The following NAPRT variants were observed in gnomAD, a reference collection of about 807,000 sequenced individuals.
NAPRT encodes the protein FHA-HIT-interacting protein.
A neutral mutation model predicts 60.7 loss-of-function variants in NAPRT; 66 were observed. The observed-to-expected ratio is 1.09, with a 90% CI of 0.89 to 1.33. The LOEUF (loss-of-function observed/expected upper bound fraction) is 1.33, where lower values mean the gene tolerates loss of function less well. Among genes scored for constraint, NAPRT ranks in the 40% most tolerant of loss-of-function variants. NAPRT has a pLI of 0.00. For synonymous variants in NAPRT, 405 were observed against 335.7 expected (o/e 1.21, Z -2.26); for missense variants, 818 against 731.5 (o/e 1.12, Z -1.36).
chr8:143,575,802 G>A lies in NAPRT; in HGVS notation c.1108-100C>T. On this transcript the variant is annotated intron_variant, in intron 8 of 12. Coordinates refer to ENST00000449291, the MANE Select transcript of NAPRT (RefSeq NM_145201.6). ...AAGGAGGTGGCACTGCCCTGGGTGG[G>A]GAAGGGGGTGGCAGTGCCCTGGGTG... 1.2e-5 allele frequency: 6 copies of A among 519,316 alleles called. No individual in the cohort carries two copies. In the East Asian group the frequency reaches 1.9e-4, roughly 16 times the overall value. The allele number at this position is 519,316 out of a possible 1,614,324, so 32.2% of individuals were successfully genotyped here. A position where few individuals can be genotyped will look rare whatever the true frequency, so the allele number is the denominator to read the frequency against.
chr8:143,578,297 C>T lies in NAPRT; in HGVS notation c.22G>A (p.Glu8Lys), dbSNP rs1345376426. 2.1e-6 allele frequency: 3 copies of T among 1,397,740 alleles called. No individual in the cohort carries two copies. The highest frequency in any genetic ancestry group is 6.0e-5 in the East Asian group (2 of 33,396). 86.6% of individuals were successfully genotyped at this position (1,397,740 alleles called of 1,614,324 possible). ...AGCGGCCGCGCCGCCGCGCGCGCCT[C>T]GGGGTCCTGCTCCGCCGCCATCCTG... MAAEQDP[E>K]ARAAARPLLT... is the part of the protein sequence containing the mutation. Residue 8 changes from glutamate (E) to lysine (K), a missense_variant, in exon 1 of 13, where the codon GAG becomes AAG. Transcript: ENST00000449291.
At chr8:143,573,171 TGGGGCTA>T (rs958293318), downstream of NAPRT, among the ~76,000 whole-genome samples, 7 of 152,070 alleles carry the variant, frequency 4.6e-5, no homozygotes, top group African/African-American at 1.7e-4. Flanking sequence ...CCACTGGGCC[TGGGGCTA>T]GGGGCTGGCC....
Position 143,577,866 on chromosome 8 carries a change from A to G in NAPRT, c.304T>C (p.Ser102Pro). ...FFEHLRALDC[S>P]EVTVRALPEG... ...GGCAGGGCTCGCACCGTCACCTCGG[A>G]GCAGTCGAGGGCCCGAAGGTGCTCG... Residue 102 changes from serine to proline, a missense_variant, in exon 2 of 13, where the codon TCC becomes CCC. By Grantham distance (74) the Ser-to-Pro change is moderately conservative. Coordinates refer to ENST00000449291, the MANE Select transcript of NAPRT (RefSeq NM_145201.6). The G allele has an allele frequency of 6.2e-7, 1 of 1,612,078 alleles. No homozygotes were observed. The highest frequency in any genetic ancestry group is 8.5e-7 in the Non-Finnish European group (1 of 1,179,752).
rs1338187039 is a variant in NAPRT, at chr8:143,576,514, C to G, written c.940G>C (p.Ala314Pro). 6.2e-7 allele frequency: 1 copy of G among 1,612,326 alleles called. No homozygotes were observed. The highest frequency in any genetic ancestry group is 1.3e-5 in the African/African-American group (1 of 74,898). ...ALALGELGYR[A>P]VGVRLDSGDL... The stretch of plus-strand genomic sequence containing the variant: ...CCACTGTCCAGCCTCACGCCCACTG[C>G]CCGGTAGCCCAGCTCTCCCAGGGCC... The change falls in exon 7 of 13, where the codon GCA becomes CCA. Residue 314 changes from alanine to proline, a missense_variant. Physicochemically the swap from Ala to Pro is conservative, Grantham distance 27. Coordinates refer to ENST00000449291, the MANE Select transcript of NAPRT (RefSeq NM_145201.6).
rs1192045872 is a variant in NAPRT at position 143,576,412 on chromosome 8, C to T, written c.1022+20G>A. The stretch of plus-strand genomic sequence containing the variant: ...CCCGGGGATCTCCCACCAGGCACAC[C>T]TCCTCCCCGGGAAACTCACTGGGCT... On this transcript the variant is annotated intron_variant, in intron 7 of 12. Transcript: ENST00000449291. 2 of 1,590,072 alleles carry T rather than the reference C, an allele frequency of 1.3e-6. No homozygotes were observed. Among genetic ancestry groups the T allele is most frequent in the African/African-American group, 1.3e-5 (1 of 74,264 alleles).
downstream of NAPRT, among the ~76,000 whole-genome samples, chr8:143,574,403 G>A (rs777314026): frequency 3.3e-5 from 5 of 152,178 alleles, no homozygotes; most frequent in Non-Finnish European, 5.9e-5. Flanking sequence ...CTAGGCAGGC[G>A]TGGGAGCCCA....
Position 143,576,770 on chromosome 8 carries a change from C to T in NAPRT, c.757G>A (p.Val253Met). 6.2e-7 allele frequency: 1 copy of T among 1,607,698 alleles called. No homozygotes were observed. The highest frequency in any genetic ancestry group is 8.5e-7 in the Non-Finnish European group (1 of 1,178,714). The change falls in exon 6 of 13, where the codon GTG becomes ATG. Residue 253 changes from valine to methionine, a missense_variant. Physicochemically the swap from Val to Met is conservative, Grantham distance 21. Transcript: ENST00000449291. ...AAKAQVWLEQ[V>M]CAHLGLGVQE... is the part of the protein sequence containing the mutation. Reference sequence around the variant, plus strand: ...ACCCCCAGCCCCAGGTGGGCACACACCTGCTCCAGCCACACCTGGGCTTTG... The same window carrying T: ...ACCCCCAGCCCCAGGTGGGCACACATCTGCTCCAGCCACACCTGGGCTTTG...
At chr8:143,576,944 T>G in intron 5 of NAPRT, 102 bp from the exon 6 acceptor site, 1 of 1,498,432 alleles carries the variant, frequency 6.7e-7, no homozygotes, top group Non-Finnish European at 9.1e-7. Context: ...ATGCAGCCCG[T>G]GCCAGCTTCC....
intron 10 of NAPRT, 26 bp from the exon 11 acceptor site, chr8:143,575,371 G>A (rs111956857): frequency 2.2e-5 from 36 of 1,601,006 alleles, no homozygotes; most frequent in East Asian, 9.0e-5. Flanking sequence ...AAGAATAAGC[G>A]GGGGCCCTGG....
downstream of NAPRT, chr8:143,574,742 C>T (rs1026841918): frequency 9.7e-5 from 143 of 1,467,020 alleles, no homozygotes; most frequent in Non-Finnish European, 1.3e-4. Context: ...AGGCGCAGCC[C>T]GTGGGCTGGG....
At chr8:143,574,275 G>A (rs1409074093), downstream of NAPRT, among the ~76,000 whole-genome samples, 4 of 152,192 alleles carry the variant, frequency 2.6e-5, no homozygotes, top group Admixed American at 1.3e-4. Flanking sequence ...TGTCCCTGAC[G>A]CCAGATGCCA....
At chr8:143,575,145 G>A (rs1175900471) in intron 11 of NAPRT, 46 bp downstream of exon 11, 1 of 1,578,332 alleles carries the variant, frequency 6.3e-7, no homozygotes, top group South Asian at 1.1e-5. Flanking sequence ...CCCAGTCAGG[G>A]CTCTACCGGG....
Position 143,575,703 on chromosome 8 carries a change from C to T in NAPRT, c.1108-1G>A. ...TGCCAATGACATTCACCTCACTGCC[C>T]TGGGTGGGGAAGGGGGTGGCCGTGA... On this transcript the variant is annotated splice_acceptor_variant, in intron 8 of 12. Transcript: ENST00000449291. LOFTEE classifies it high-confidence loss of function. 2 of 1,571,246 alleles carry T rather than the reference C, an allele frequency of 1.3e-6. No homozygotes were observed. Among genetic ancestry groups the T allele is most frequent in the Non-Finnish European group, 1.7e-6 (2 of 1,158,868 alleles).
At position 143,576,495 on chromosome 8, in the gene NAPRT, T is replaced by C; in HGVS notation, c.959A>G (p.Asp320Gly). 1 of 1,612,610 alleles carries C rather than the reference T, an allele frequency of 6.2e-7. No individual in the cohort carries two copies. Among genetic ancestry groups the C allele is most frequent in the Non-Finnish European group, 8.5e-7 (1 of 1,179,818 alleles). The change falls in exon 7 of 13, where the codon GAC becomes GGC. Residue 320 changes from aspartate to glycine, a missense_variant. By Grantham distance (94) the Asp-to-Gly change is moderately conservative (BLOSUM62 -1). Coordinates refer to ENST00000449291, the MANE Select transcript of NAPRT (RefSeq NM_145201.6). ...AGCCTGCTGTAGCAGGTCACCACTG[T>C]CCAGCCTCACGCCCACTGCCCGGTA... Reference protein sequence around the residue: ...LGYRAVGVRLDSGDLLQQAQE... With the variant: ...LGYRAVGVRLGSGDLLQQAQE...
At position 143,576,510 on chromosome 8, in the gene NAPRT, A is replaced by C. The variant is rs768963264; in HGVS notation, c.944T>G (p.Val315Gly). 1.2e-6 allele frequency: 2 copies of C among 1,612,304 alleles called. No individual in the cohort carries two copies. The highest frequency in any genetic ancestry group is 1.7e-6 in the Non-Finnish European group (2 of 1,179,768). ...LALGELGYRA[V>G]GVRLDSGDLL... ...GTCACCACTGTCCAGCCTCACGCCC[A>C]CTGCCCGGTAGCCCAGCTCTCCCAG... Residue 315 changes from valine to glycine, a missense_variant, in exon 7 of 13, where the codon GTG becomes GGG. Coordinates refer to ENST00000449291, the MANE Select transcript of NAPRT (RefSeq NM_145201.6).
Position 143,576,830 on chromosome 8 carries a change from C to T in NAPRT, c.697G>A (p.Ala233Thr). ...EVPPDPMLAPAAGEGPGVDLA... is the reference protein window; with the variant it reads ...EVPPDPMLAPTAGEGPGVDLA... ...TCCACCCCAGGGCCCTCACCAGCTG[C>T]TGGCGCCAACATCTGTGGAACAGAG... Residue 233 changes from alanine to threonine, a missense_variant, in exon 6 of 13, where the codon GCA (alanine) becomes ACA (threonine). Ala to Thr is a moderately conservative substitution (Grantham distance 58). Transcript: ENST00000449291. 2 of 1,598,468 alleles carry T rather than the reference C, an allele frequency of 1.3e-6. No individual in the cohort carries two copies. Among genetic ancestry groups the T allele is most frequent in the Non-Finnish European group, 1.7e-6 (2 of 1,171,380 alleles).
At chr8:143,577,480 C>T in intron 3 of NAPRT, 81 bp from the exon 4 acceptor site, 1 of 1,504,816 alleles carries the variant, frequency 6.6e-7, no homozygotes, top group Non-Finnish European at 8.9e-7. Flanking sequence ...GGGCCTGGAA[C>T]TTCCAACCTG....
downstream of NAPRT, chr8:143,572,953 C>T (rs1246830791): frequency 8.2e-6 from 4 of 488,678 alleles, no homozygotes; most frequent in South Asian, 1.4e-4. Context: ...GTGGCTCTAC[C>T]CACCAGGGCC....
At position 143,575,603 on chromosome 8, in the gene NAPRT, C is replaced by G. The variant is rs757781315; in HGVS notation, c.1188+19G>C. ...TCCCTCAGACCTGCCCCCACCTGGG[C>G]CCCCGACACTGTCCCTACCTTATAG... is the stretch of plus-strand genomic sequence containing the variant. On this transcript the variant is annotated intron_variant, in intron 9 of 12. Transcript: ENST00000449291. 6.3e-7 allele frequency: 1 copy of G among 1,585,922 alleles called. No homozygotes were observed. The highest frequency in any genetic ancestry group is 2.3e-5 in the East Asian group (1 of 43,848).
Sources: allele counts gnomAD v4.1 joint callset (sites outside exome capture counted in the v4.1 genomes callset), GRCh38; gene constraint gnomAD v4.1.1; transcripts MANE v1.5; gene names NCBI Gene and HGNC (gene_info 2026-07-23, HGNC 2026-07-21).